KCNIP4: variants seen among roughly 807,000 people sequenced by gnomAD.
The protein encoded by KCNIP4 is Kv channel-interacting protein 4.
In KCNIP4, 12 loss-of-function variants were observed where a neutral mutation model predicts 34.0. The observed-to-expected ratio is 0.35, with a 90% CI of 0.23 to 0.57. KCNIP4 has a LOEUF of 0.57. Among genes scored for constraint, KCNIP4 ranks in the 20% least tolerant of loss-of-function variants. The pLI is 0.83. For synonymous variants in KCNIP4, 124 were observed against 102.2 expected (o/e 1.21, Z -1.29); for missense variants, 238 against 311.7 (o/e 0.76, Z 1.78).
intron 6 of KCNIP4, 116 bp from the exon 7 acceptor site, chr4:20,732,901 ATTCT>A (rs1368936860): frequency 2.3e-5 from 15 of 639,222 alleles, no homozygotes; most frequent in Middle Eastern, 3.9e-4. Flanking sequence ...TGTTTGTTGG[ATTCT>A]TTGTTAGACG....
At chr4:20,875,197 A>T (rs753108597) in intron 2 of KCNIP4, among the ~76,000 whole-genome samples, 1 of 152,178 alleles carries the variant, frequency 6.6e-6, no homozygotes, top group African/African-American at 2.4e-5. Flanking sequence ...GTGGAAAAAG[A>T]TCTAGTCATA....
At chr4:21,251,157 C>A (rs970025080) in intron 1 of KCNIP4, among the ~76,000 whole-genome samples, 2 of 151,870 alleles carry the variant, frequency 1.3e-5, no homozygotes, top group Non-Finnish European at 1.5e-5. Flanking sequence ...AGTAGAAACA[C>A]AATGTTAGAT....
At chr4:21,828,312 G>A (rs1037129878) in intron 1 of KCNIP4, among the ~76,000 whole-genome samples, 4 of 151,696 alleles carry the variant, frequency 2.6e-5, no homozygotes, top group Admixed American at 6.6e-5. Context: ...CTAATTGAAG[G>A]ACAGATAAAC....
At chr4:21,025,834 C>T (rs1033112413) in intron 1 of KCNIP4, among the ~76,000 whole-genome samples, 4 of 151,838 alleles carry the variant, frequency 2.6e-5, no homozygotes, top group African/African-American at 4.8e-5. Flanking sequence ...GGATTACAGG[C>T]GTGAGCCACT....
At chr4:21,486,950 A>G (rs1731975335) in intron 1 of KCNIP4, among the ~76,000 whole-genome samples, 1 of 151,752 alleles carries the variant, frequency 6.6e-6, no homozygotes, top group South Asian at 2.1e-4. Context: ...GGTGTGCATC[A>G]TCACACCTGG....
chr4:21,359,038 A>G (rs967844754), intron 1 of KCNIP4, among the ~76,000 whole-genome samples: 6 of 152,048 alleles, frequency 3.9e-5, no homozygotes, highest in Admixed American at 6.6e-5. Context: ...AGGCTGTGTC[A>G]TGGCTGTGTG....
chr4:21,704,984 A>C, intron 1 of KCNIP4, among the ~76,000 whole-genome samples: 1 of 152,226 alleles, frequency 6.6e-6, no homozygotes, highest in East Asian at 1.9e-4. Context: ...TTAATGGGTG[A>C]ATGGTTAATG....
chr4:21,537,125 T>A (rs1260278625), intron 1 of KCNIP4, among the ~76,000 whole-genome samples: 1 of 140,240 alleles, frequency 7.1e-6, no homozygotes, highest in African/African-American at 2.7e-5. Flanking sequence ...CAATGAAGAA[T>A]CAGGATCTAC....
intron 1 of KCNIP4, among the ~76,000 whole-genome samples, chr4:21,404,919 C>A (rs977395779): frequency 6.6e-6 from 1 of 152,040 alleles, no homozygotes. Context: ...TTTGCTTGAC[C>A]AAACTTTAGT....
intron 1 of KCNIP4, among the ~76,000 whole-genome samples, chr4:21,446,972 T>C (rs1361389175): frequency 6.7e-6 from 1 of 150,184 alleles, no homozygotes; most frequent in Admixed American, 6.7e-5. Flanking sequence ...TGATTATAAA[T>C]AAAGCTACTA....
At chr4:21,138,054 T>C (rs1751648827) in intron 1 of KCNIP4, among the ~76,000 whole-genome samples, 1 of 152,168 alleles carries the variant, frequency 6.6e-6, no homozygotes, top group East Asian at 1.9e-4. Flanking sequence ...GTATTTTTAG[T>C]AGAGACAGGG....
At chr4:20,952,567 A>G (rs1445345289) in intron 1 of KCNIP4, among the ~76,000 whole-genome samples, 1 of 152,244 alleles carries the variant, frequency 6.6e-6, no homozygotes, top group Non-Finnish European at 1.5e-5. Context: ...GTTGAGAAAT[A>G]TTAAGAGACT....
chr4:21,026,966 T>C (rs1255907050), intron 1 of KCNIP4, among the ~76,000 whole-genome samples: 1 of 152,210 alleles, frequency 6.6e-6, no homozygotes, highest in Non-Finnish European at 1.5e-5. Flanking sequence ...GTTTTGTCTC[T>C]ATTATAAAAG....
rs539826712 is a variant in KCNIP4, at chr4:21,385,748, G to A, written c.62-503039C>T. Among the ~76,000 whole-genome samples the A allele has an allele frequency of 4.6e-5, 7 of 152,178 alleles. No individual in the cohort carries two copies. In the South Asian group the frequency reaches 8.3e-4, roughly 18 times the overall value. On this transcript the variant is annotated intron_variant, in intron 1 of 8. Transcript: ENST00000382152. ...CCGTGAAGCTTAGACCGAGAGATTA[G>A]ATGGGGCAGGTGCTGATGGAGCCAA...
At chr4:20,893,654 G>A (rs1726194277) in intron 1 of KCNIP4, among the ~76,000 whole-genome samples, 1 of 151,100 alleles carries the variant, frequency 6.6e-6, no homozygotes, top group African/African-American at 2.4e-5. Flanking sequence ...GAACTCCTGG[G>A]CTCAAACAGT....
At chr4:21,034,083 C>CA (rs1741245059) in intron 1 of KCNIP4, among the ~76,000 whole-genome samples, 1 of 152,060 alleles carries the variant, frequency 6.6e-6, no homozygotes, top group South Asian at 2.1e-4. Context: ...ATAGCACACA[C>CA]AAAAAAGAGA....
intron 1 of KCNIP4, among the ~76,000 whole-genome samples, chr4:21,262,319 A>G (rs905785979): frequency 1.3e-5 from 2 of 152,078 alleles, no homozygotes; most frequent in Non-Finnish European, 2.9e-5. Context: ...CTTCCTGAAC[A>G]TGAATATTCA....
chr4:21,746,742 C>T (rs1456741864), intron 1 of KCNIP4, among the ~76,000 whole-genome samples: 9 of 151,972 alleles, frequency 5.9e-5, no homozygotes, highest in Admixed American at 5.9e-4. Context: ...AAACTCAACA[C>T]TTCATAAGCT....
intron 5 of KCNIP4, among the ~76,000 whole-genome samples, chr4:20,742,416 C>A (rs1296519378): frequency 1.3e-5 from 2 of 152,158 alleles, no homozygotes; most frequent in Non-Finnish European, 2.9e-5. Flanking sequence ...GTTCAACATA[C>A]ACAAATCAAT....
Sources: allele counts gnomAD v4.1 joint callset (sites outside exome capture counted in the v4.1 genomes callset), GRCh38; gene constraint gnomAD v4.1.1; transcripts MANE v1.5; gene names NCBI Gene and HGNC (gene_info 2026-07-23, HGNC 2026-07-21).